The following TASOR2 variants were observed in gnomAD, a reference collection of about 807,000 sequenced individuals.
TASOR2 encodes transcription activation suppressor family member 2.
A neutral mutation model predicts 199.5 loss-of-function variants in TASOR2; 84 were observed. That is an observed-to-expected ratio of 0.42 (90% CI 0.35 to 0.50). The LOEUF (loss-of-function observed/expected upper bound fraction) is 0.50. TASOR2 is among the 20% of genes least tolerant of loss of function. The pLI, the probability that TASOR2 is intolerant of heterozygous loss-of-function variation, is 0.02. For synonymous variants in TASOR2, 1,103 were observed against 1,046.6 expected (o/e 1.05, Z -1.04); for missense variants, 2,796 against 2,835.9 (o/e 0.99, Z 0.32).
chr10:5,724,609 CAT>C (rs1485363527), intron 8 of TASOR2, 76 bp downstream of exon 9: 13 of 146,636 alleles, frequency 8.9e-5, no homozygotes, highest in Middle Eastern at 2.5e-3. Flanking sequence ...CTAGATGGCA[CAT>C]ATATATATAT....
At position 5,752,801 on chromosome 10, in the gene TASOR2, AGAGT is replaced by A. The variant is rs1838263405; in HGVS notation, c.6606+2782_6606+2785del. 6.6e-6 allele frequency among the ~76,000 whole-genome samples: 1 copy of A among 152,254 alleles called. No individual in the cohort carries two copies. Among genetic ancestry groups the A allele is most frequent in the Non-Finnish European group, 1.5e-5 (1 of 68,040 alleles). On this transcript the variant is annotated intron_variant, in intron 15 of 20. Transcript: ENST00000328090. The surrounding 1 kb of genome is among the most constrained non-coding windows in gnomAD (Gnocchi z 4.4). ...GCCTCCTTGTGCCAGAGGGCTGGTC[AGAGT>A]GAGTGAGCCATGTCAGCCAGAGGCT...
chr10:5,756,480 T>A (rs1232646014), intron 15 of TASOR2, 133 bp from the exon 17 acceptor site: 32 of 754,702 alleles, frequency 4.2e-5, no homozygotes, highest in Non-Finnish European at 5.8e-5. Flanking sequence ...AAGGTGCTTA[T>A]TTAGTAATAA....
Position 5,748,571 on chromosome 10 carries a change from C to T in TASOR2, c.5150C>T (p.Ser1717Phe), listed in dbSNP as rs773484081. ...GGTCCAGGCACTGCTGGCCCTCAGT[C>T]CAACACCACATCTTCTCTAAAAGGT... Residue 1717 changes from serine (S) to phenylalanine (F), a missense_variant, in exon 15 of 21, where the codon TCC becomes TTC. Physicochemically the swap from Ser to Phe is radical, Grantham distance 155. Transcript: ENST00000328090. The surrounding 1 kb of genome is among the most constrained non-coding windows in gnomAD (Gnocchi z 5.1). 1 of 1,613,484 alleles carries T rather than the reference C, an allele frequency of 6.2e-7. No homozygotes were observed. The highest frequency in any genetic ancestry group is 8.5e-7 in the Non-Finnish European group (1 of 1,180,030).
intron 8 of TASOR2, among the ~76,000 whole-genome samples, chr10:5,724,795 G>T (rs780937996): frequency 6.6e-6 from 1 of 151,564 alleles, no homozygotes; most frequent in Non-Finnish European, 1.5e-5. Context: ...CCCAGTGGAT[G>T]CCTGAAACTG....
At chr10:5,713,447 A>G (rs184918383) in intron 2 of TASOR2, among the ~76,000 whole-genome samples, 2 of 152,292 alleles carry the variant, frequency 1.3e-5, no homozygotes, top group East Asian at 3.9e-4. Flanking sequence ...AAAGATATGT[A>G]TGGCTTCCGA....
chr10:5,741,997 CAAA>C, intron 13 of TASOR2, 97 bp from the exon 15 acceptor site: 3 of 1,135,330 alleles, frequency 2.6e-6, no homozygotes, highest in Admixed American at 2.5e-5. Flanking sequence ...AAAATAAAAA[CAAA>C]AACTAAGGAA....
intron 10 of TASOR2, among the ~76,000 whole-genome samples, chr10:5,728,832 T>C (rs962164928): frequency 3.3e-5 from 5 of 152,164 alleles, no homozygotes; most frequent in Non-Finnish European, 7.3e-5. Context: ...ATTTCAAAGA[T>C]GAAGAAACTC....
chr10:5,732,408 C>T (rs1025649263), intron 11 of TASOR2, among the ~76,000 whole-genome samples: 4 of 152,238 alleles, frequency 2.6e-5, no homozygotes, highest in African/African-American at 9.6e-5. Context: ...AAAGTATGTA[C>T]TCTATGGCCC....
At chr10:5,702,101 A>G (rs1837939457) in intron 1 of TASOR2, among the ~76,000 whole-genome samples, 1 of 152,166 alleles carries the variant, frequency 6.6e-6, no homozygotes, top group Non-Finnish European at 1.5e-5. Flanking sequence ...GGTTTGTCAT[A>G]TATGGCCTTT....
chr10:5,760,608 A>G (rs1839664609), intron 18 of TASOR2, among the ~76,000 whole-genome samples: 1 of 152,236 alleles, frequency 6.6e-6, no homozygotes, highest in African/African-American at 2.4e-5. Flanking sequence ...GTTTCTATTC[A>G]TAGAAAGAGG....
chr10:5,758,372 C>G (rs982508915), intron 17 of TASOR2, among the ~76,000 whole-genome samples: 3 of 152,084 alleles, frequency 2.0e-5, no homozygotes, highest in Non-Finnish European at 4.4e-5. Context: ...GAGATCCCAT[C>G]TCTACAAAAA....
At chr10:5,702,635 ATTTTTTTT>A (rs71388467) in intron 1 of TASOR2, among the ~76,000 whole-genome samples, 2 of 84,910 alleles carry the variant, frequency 2.4e-5, no homozygotes, top group Non-Finnish European at 4.7e-5. Flanking sequence ...TAAAATGGTC[ATTTTTTTT>A]TTTTTTTTTT....
At chr10:5,724,440 A>C in exon 8 of TASOR2, 1 of 1,530,274 alleles carries the variant, frequency 6.5e-7, no homozygotes, top group Non-Finnish European at 8.8e-7. Context: ...TCTGTTTTCA[A>C]GATTTGTGCT....
intron 19 of TASOR2, among the ~76,000 whole-genome samples, chr10:5,762,320 AT>A (rs1444030381): frequency 6.6e-6 from 1 of 150,474 alleles, no homozygotes; most frequent in Admixed American, 6.6e-5. Context: ...TTTTTCAGGG[AT>A]TTTTTTTCAG....
intron 11 of TASOR2, among the ~76,000 whole-genome samples, chr10:5,733,615 A>G (rs895524098): frequency 6.6e-6 from 1 of 152,254 alleles, no homozygotes; most frequent in African/African-American, 2.4e-5. Flanking sequence ...AAACAAAACA[A>G]TCTATGCAGG....
At chr10:5,758,172 C>A (rs1839247230) in intron 17 of TASOR2, among the ~76,000 whole-genome samples, 2 of 152,198 alleles carry the variant, frequency 1.3e-5, no homozygotes, top group Admixed American at 1.3e-4. Flanking sequence ...CCTGCCCCGG[C>A]TCTGATCACA....
Position 5,720,359 on chromosome 10 carries a change from AACAAG to A in TASOR2, c.-99-182_-99-178del. 1.0e-6 allele frequency: 1 copy of A among 985,404 alleles called. No individual in the cohort carries two copies. The highest frequency in any genetic ancestry group is 1.2e-6 in the Non-Finnish European group (1 of 829,910). The allele number at this position is 985,404 out of a possible 1,614,324, so 61.0% of individuals were successfully genotyped here. ...GTCTGAAAATACTAACAAGGTTTCT[AACAAG>A]ACGAGTCATTTTCGTGCCTTTGAAC... On this transcript the variant is annotated intron_variant, in intron 3 of 20. Coordinates refer to ENST00000328090, the Ensembl canonical transcript of TASOR2. The surrounding 1 kb of genome is among the most constrained non-coding windows in gnomAD (Gnocchi z 5.3).
Position 5,734,358 on chromosome 10 carries a change from G to A in TASOR2, c.1205-946G>A, listed in dbSNP as rs147353085. Among the ~76,000 whole-genome samples, 330 of 152,060 alleles carry A rather than the reference G, an allele frequency of 2.2e-3. 3 individuals are homozygous for A. Among genetic ancestry groups the A allele is most frequent in the African/African-American group, 7.6e-3 (314 of 41,450 alleles). ...AGATTTGTTAGAAATAAAACCAGGT[G>A]CACACTTTCCTCAGGCTTCCCAGAG... is the stretch of plus-strand genomic sequence containing the variant. On this transcript the variant is annotated intron_variant, in intron 11 of 20. Coordinates refer to ENST00000328090, the Ensembl canonical transcript of TASOR2.
intron 1 of TASOR2, among the ~76,000 whole-genome samples, chr10:5,704,777 G>A (rs764329505): frequency 6.6e-6 from 1 of 152,092 alleles, no homozygotes. Flanking sequence ...AATATCTTAA[G>A]CTTAGATCAT....
Sources: allele counts gnomAD v4.1 joint callset (sites outside exome capture counted in the v4.1 genomes callset), GRCh38; gene constraint gnomAD v4.1.1; non-coding constraint Gnocchi (gnomAD v3.1); transcripts MANE v1.5; gene names NCBI Gene and HGNC (gene_info 2026-07-23, HGNC 2026-07-21).